The following ENPP6 variants were observed in gnomAD, a reference collection of about 807,000 sequenced individuals.
The protein encoded by ENPP6 is glycerophosphocholine cholinephosphodiesterase ENPP6.
In ENPP6, 32 loss-of-function variants were observed where a neutral mutation model predicts 42.0. The ratio of observed to expected loss-of-function variants is 0.76; its 90% CI spans 0.58 to 1.02. The LOEUF (loss-of-function observed/expected upper bound fraction) is 1.02, where lower values mean the gene tolerates loss of function less well. ENPP6 is among the 50% of genes least tolerant of loss of function. The probability of loss-of-function intolerance (pLI) is 0.00; values close to 1 mark genes in which losing one functional copy is unlikely to be tolerated. For synonymous variants in ENPP6, 213 were observed against 216.0 expected, an observed-to-expected ratio of 0.99 and a Z score of 0.12; for missense variants, 552 against 566.8, an observed-to-expected ratio of 0.97 and a Z score of 0.27.
In ENPP6 at chr4:184,112,786, C is replaced by T. The variant is rs750038439; in HGVS notation, c.879G>A (p.Val293=). ...HSEIYNKLST[V]EHMTVYEKEA... Reference sequence around the variant, plus strand: ...CTTTCTCGTAGACAGTCATGTGTTCCACTGTGCTCAGTTTGTTATATATCT... The same window carrying T: ...CTTTCTCGTAGACAGTCATGTGTTCTACTGTGCTCAGTTTGTTATATATCT... The change falls in exon 6 of 8, where the codon GTG becomes GTA. Residue 293 remains valine, a synonymous_variant. Transcript: ENST00000296741. 25 of 1,613,776 alleles carry T rather than the reference C, an allele frequency of 1.5e-5. No homozygotes were observed. The highest frequency in any genetic ancestry group is 3.3e-4 in the Middle Eastern group (2 of 6,084).
intron 1 of ENPP6, among the ~76,000 whole-genome samples, chr4:184,195,031 A>T (rs1300323921): frequency 7.0e-6 from 1 of 143,736 alleles, no homozygotes; most frequent in East Asian, 2.1e-4. Flanking sequence ...GATTTTTTTT[A>T]TCATGGTAAA....
chr4:184,117,704 A>G (rs1418426962), intron 4 of ENPP6, 55 bp downstream of exon 4: 6 of 1,599,318 alleles, frequency 3.8e-6, no homozygotes, highest in Non-Finnish European at 4.3e-6. Context: ...TGTGGAGGAG[A>G]CAAACAGAGG....
At chr4:184,183,479 A>G (rs1732586105) in intron 1 of ENPP6, among the ~76,000 whole-genome samples, 1 of 146,346 alleles carries the variant, frequency 6.8e-6, no homozygotes, top group Non-Finnish European at 1.5e-5. Context: ...CTTGGATAAA[A>G]CACACATGCA....
At position 184,091,100 on chromosome 4, in the gene ENPP6, C is replaced by T. The variant is rs970907383; in HGVS notation, c.*77G>A. 1.4e-5 allele frequency: 19 copies of T among 1,360,932 alleles called. No homozygotes were observed. The highest frequency in any genetic ancestry group is 1.7e-5 in the Non-Finnish European group (17 of 1,010,764). The allele number at this position is 1,360,932 out of a possible 1,614,324, so 84.3% of individuals were successfully genotyped here. A position where few individuals can be genotyped will look rare whatever the true frequency, so the allele number is the denominator to read the frequency against. Reference sequence around the variant, plus strand: ...TGTGTTAATGAAGCTATTATTCACACATAAAATGAAAATCATCTGGCTTTG... The same window carrying T: ...TGTGTTAATGAAGCTATTATTCACATATAAAATGAAAATCATCTGGCTTTG... On this transcript the variant is annotated 3_prime_UTR_variant, in exon 8 of 8. Coordinates refer to ENST00000296741, the MANE Select transcript of ENPP6 (RefSeq NM_153343.4).
chr4:184,119,888 G>T (rs903559664), intron 3 of ENPP6, among the ~76,000 whole-genome samples: 2 of 152,156 alleles, frequency 1.3e-5, no homozygotes, highest in Admixed American at 6.5e-5. Context: ...TGCCATGATT[G>T]TAAGTTTCCT....
chr4:184,159,736 C>T (rs945144944), intron 1 of ENPP6, among the ~76,000 whole-genome samples: 2 of 151,978 alleles, frequency 1.3e-5, no homozygotes, highest in Admixed American at 6.6e-5. Context: ...TTTCTGAGAT[C>T]CTGGTGCACC....
intron 6 of ENPP6, among the ~76,000 whole-genome samples, chr4:184,101,540 T>C (rs1193150127): frequency 6.6e-6 from 1 of 152,064 alleles, no homozygotes; most frequent in Non-Finnish European, 1.5e-5. Flanking sequence ...GAGAGACAGC[T>C]GGAAGAGCCA....
At chr4:184,173,251 T>C (rs1737503743) in intron 1 of ENPP6, among the ~76,000 whole-genome samples, 1 of 152,082 alleles carries the variant, frequency 6.6e-6, no homozygotes, top group Admixed American at 6.6e-5. Context: ...ACCCAGTAAC[T>C]CCACTTCAAG....
intron 1 of ENPP6, among the ~76,000 whole-genome samples, chr4:184,207,035 C>T (rs1393012590): frequency 1.3e-5 from 2 of 152,246 alleles, no homozygotes; most frequent in African/African-American, 2.4e-5. Context: ...TGTGTGAGAA[C>T]GGGGTCTCTG....
At chr4:184,153,507 A>G (rs1737093195) in intron 2 of ENPP6, 47 bp downstream of exon 2, 10 of 1,556,754 alleles carry the variant, frequency 6.4e-6, no homozygotes, top group Non-Finnish European at 8.7e-6. Context: ...CTGTCCTCAG[A>G]GACTCTATGA....
At chr4:184,131,631 T>G (rs1736637127) in intron 2 of ENPP6, among the ~76,000 whole-genome samples, 1 of 151,964 alleles carries the variant, frequency 6.6e-6, no homozygotes, top group South Asian at 2.1e-4. Flanking sequence ...CCCAAAGTGC[T>G]GGGATCACAG....
rs34809528 is a variant in ENPP6 at position 184,089,415 on chromosome 4, C to T, written c.*1762G>A. 6.1e-3 allele frequency: 924 copies of T among 152,198 alleles called. 7 individuals carry two copies. Among genetic ancestry groups the T allele is most frequent in the Non-Finnish European group, 9.6e-3 (653 of 68,036 alleles). The allele number at this position is 152,198 out of a possible 1,614,324, so 9.4% of individuals were successfully genotyped here. ...GAGGAGACCTGATATATTGCCTTTTCCTGACAAAAAGTCTCACTTGCAGAT... is the reference window on the plus strand; with the variant it reads ...GAGGAGACCTGATATATTGCCTTTTTCTGACAAAAAGTCTCACTTGCAGAT... On this transcript the variant is annotated 3_prime_UTR_variant, in exon 8 of 8. Transcript: ENST00000296741.
At chr4:184,199,071 AG>A (rs1732850581) in intron 1 of ENPP6, among the ~76,000 whole-genome samples, 1 of 152,224 alleles carries the variant, frequency 6.6e-6, no homozygotes, top group Admixed American at 6.5e-5. Flanking sequence ...CCAGAGACCA[AG>A]GGAACACGCA....
At chr4:184,193,242 C>T (rs1319382926) in intron 1 of ENPP6, among the ~76,000 whole-genome samples, 1 of 152,194 alleles carries the variant, frequency 6.6e-6, no homozygotes, top group South Asian at 2.1e-4. Context: ...CCCAAATGTT[C>T]ATCGATTGGT....
intron 3 of ENPP6, among the ~76,000 whole-genome samples, chr4:184,119,265 C>T (rs1736374910): frequency 6.6e-6 from 1 of 151,254 alleles, no homozygotes; most frequent in African/African-American, 2.4e-5. Flanking sequence ...AGCATATCTG[C>T]ATCAAACAAT....
intron 1 of ENPP6, among the ~76,000 whole-genome samples, chr4:184,206,015 G>T (rs1352116121): frequency 6.6e-6 from 1 of 152,130 alleles, no homozygotes; most frequent in Non-Finnish European, 1.5e-5. Context: ...CCAAACAGAA[G>T]CTTCGCTGGA....
At chr4:184,129,152 G>A (rs886409497) in intron 2 of ENPP6, among the ~76,000 whole-genome samples, 4 of 151,978 alleles carry the variant, frequency 2.6e-5, no homozygotes, top group East Asian at 1.9e-4. Context: ...AGAACTTCTC[G>A]AACAGGAAAA....
intron 1 of ENPP6, among the ~76,000 whole-genome samples, chr4:184,193,040 T>C (rs1732730461): frequency 6.6e-6 from 1 of 152,148 alleles, no homozygotes; most frequent in South Asian, 2.1e-4. Context: ...CTGGTGAAAA[T>C]GTAAAATGGT....
In ENPP6 at chr4:184,217,826, A is replaced by G. The variant is rs1733223200; in HGVS notation, c.-7T>C. ...TCCCAAGCTTCACTGCCATGCTGCC[A>G]GGAGCCTGCCAGAGCCCGGCTGGCA... is the stretch of plus-strand genomic sequence containing the variant. On this transcript the variant is annotated 5_prime_UTR_variant, in exon 1 of 8. Transcript: ENST00000296741. 6 of 1,612,578 alleles carry G rather than the reference A, an allele frequency of 3.7e-6. No individual in the cohort carries two copies. The highest frequency in any genetic ancestry group is 5.1e-6 in the Non-Finnish European group (6 of 1,179,570).
Sources: gnomAD v4.1 joint callset for allele counts (sites outside exome capture counted in the v4.1 genomes callset) on GRCh38, gnomAD v4.1.1 for gene constraint, MANE v1.5 for transcripts, NCBI Gene and HGNC (gene_info 2026-07-23, HGNC 2026-07-21) for gene names.